The following CRISP1 variants were observed in gnomAD, a reference collection of about 807,000 sequenced individuals.
CRISP1 encodes cysteine rich secretory protein 1, also known as cysteine-rich secretory protein 1.
Under a neutral mutation model 33.1 loss-of-function variants are expected in CRISP1, and 44 were observed. The ratio of observed to expected loss-of-function variants is 1.33; its 90% CI spans 1.05 to 1.71. CRISP1 has a LOEUF of 1.71. Among genes scored for constraint, CRISP1 ranks in the 40% most tolerant of loss-of-function variants. The pLI is 0.00. For synonymous variants in CRISP1, 103 were observed against 98.7 expected, an observed-to-expected ratio of 1.04 and a Z score of -0.26; for missense variants, 390 against 301.2, an observed-to-expected ratio of 1.29 and a Z score of -2.18.
At chr6:49,873,332 T>A (rs1771968187) in intron 1 of CRISP1, among the ~76,000 whole-genome samples, 1 of 152,048 alleles carries the variant, frequency 6.6e-6, no homozygotes, top group Admixed American at 6.6e-5. Flanking sequence ...AAATTGCAGA[T>A]CTCAGGAAAT....
intron 1 of CRISP1, among the ~76,000 whole-genome samples, chr6:49,876,125 AT>A (rs951780589): frequency 6.6e-6 from 1 of 152,106 alleles, no homozygotes; most frequent in African/African-American, 2.4e-5. Flanking sequence ...ATGGGAGAAA[AT>A]TTTTTCGGTC....
intron 3 of CRISP1, 92 bp downstream of exon 3, chr6:49,851,909 T>C: frequency 4.2e-6 from 6 of 1,429,330 alleles, no homozygotes; most frequent in Non-Finnish European, 5.6e-6. Flanking sequence ...GATAAAACTT[T>C]TAGCACTTTG....
chr6:49,874,966 A>G (rs879833733), intron 1 of CRISP1, among the ~76,000 whole-genome samples: 9 of 152,110 alleles, frequency 5.9e-5, no homozygotes, highest in Non-Finnish European at 1.0e-4. Context: ...ACAAATGGGC[A>G]AAAGCTGGAA....
chr6:49,850,419 T>G (rs1771313193), intron 3 of CRISP1, among the ~76,000 whole-genome samples: 1 of 152,122 alleles, frequency 6.6e-6, no homozygotes, highest in Admixed American at 6.6e-5. Flanking sequence ...AAGTTTGTAT[T>G]TATGATCGTA....
intron 6 of CRISP1, among the ~76,000 whole-genome samples, chr6:49,840,328 A>T (rs1290870925): frequency 6.6e-6 from 1 of 152,200 alleles, no homozygotes; most frequent in African/African-American, 2.4e-5. Context: ...ATTTTCTAGG[A>T]ATTGTGACTA....
chr6:49,871,797 C>A (rs1355818934), intron 1 of CRISP1, among the ~76,000 whole-genome samples: 1 of 151,968 alleles, frequency 6.6e-6, no homozygotes, highest in East Asian at 1.9e-4. Flanking sequence ...TCTGGTCTAT[C>A]GTTGTTGGAC....
intron 7 of CRISP1, among the ~76,000 whole-genome samples, chr6:49,835,946 C>T (rs949298820): frequency 2.0e-5 from 3 of 152,260 alleles, no homozygotes; most frequent in Middle Eastern, 6.8e-3. Context: ...AGTGATTTTT[C>T]TCACCTTGCT....
At chr6:49,844,031 A>T (rs1771077804) in intron 5 of CRISP1, among the ~76,000 whole-genome samples, 1 of 152,210 alleles carries the variant, frequency 6.6e-6, no homozygotes, top group South Asian at 2.1e-4. Flanking sequence ...CTCATCACTT[A>T]TAGTAACCTA....
chr6:49,838,295 G>T (rs1770868179), intron 7 of CRISP1, 142 bp downstream of exon 7: 1 of 641,628 alleles, frequency 1.6e-6, no homozygotes, highest in East Asian at 2.7e-5. Context: ...GGCAATTGGG[G>T]AGGGGTAAGC....
chr6:49,863,158 G>T (rs894232140), intron 1 of CRISP1, among the ~76,000 whole-genome samples: 1 of 152,164 alleles, frequency 6.6e-6, no homozygotes, highest in Non-Finnish European at 1.5e-5. Flanking sequence ...GATTAGAATT[G>T]TAGAGCATGG....
At chr6:49,838,577 A>G in intron 6 of CRISP1, 52 bp from the exon 7 acceptor site, 3 of 1,388,164 alleles carry the variant, frequency 2.2e-6, no homozygotes, top group Non-Finnish European at 3.0e-6. Flanking sequence ...AAACTCACAT[A>G]AAACTTTACT....
intron 5 of CRISP1, among the ~76,000 whole-genome samples, chr6:49,844,057 C>A (rs1461755296): frequency 2.0e-5 from 3 of 152,016 alleles, no homozygotes; most frequent in Non-Finnish European, 4.4e-5. Context: ...GGAGAGCAAG[C>A]AATTGAAGAA....
intron 1 of CRISP1, among the ~76,000 whole-genome samples, chr6:49,871,654 G>T (rs968106513): frequency 6.7e-5 from 10 of 149,112 alleles, no homozygotes; most frequent in East Asian, 2.0e-4. Context: ...GTGGTGTTTG[G>T]TTTTTTGTCC....
intron 1 of CRISP1, among the ~76,000 whole-genome samples, chr6:49,860,994 G>A (rs1296370280): frequency 6.6e-6 from 1 of 151,966 alleles, no homozygotes; most frequent in Non-Finnish European, 1.5e-5. Flanking sequence ...GAAAATTTTA[G>A]AGAAAATGAA....
At chr6:49,875,648 A>T (rs1477720133) in intron 1 of CRISP1, among the ~76,000 whole-genome samples, 1 of 152,140 alleles carries the variant, frequency 6.6e-6, no homozygotes, top group Non-Finnish European at 1.5e-5. Context: ...ACTTCAAACT[A>T]TACTACAAGG....
intron 1 of CRISP1, among the ~76,000 whole-genome samples, chr6:49,865,043 G>A (rs1465203936): frequency 1.3e-5 from 2 of 152,014 alleles, no homozygotes; most frequent in Admixed American, 6.6e-5. Flanking sequence ...ATTTAACATT[G>A]AAAAAATATT....
chr6:49,840,964 C>T lies in CRISP1; in HGVS notation c.467G>A (p.Cys156Tyr). 6.2e-7 allele frequency: 1 copy of T among 1,613,894 alleles called. No homozygotes were observed. Among genetic ancestry groups the T allele is most frequent in the Non-Finnish European group, 8.5e-7 (1 of 1,179,864 alleles). ...IVWATSYLIG[C>Y]AIASCRQQGS... ...TTGTTGGCGGCAAGATGCAATGGCA[C>T]AGCCAATCAGGTAAGATGTGGCCCA... Residue 156 changes from cysteine (C) to tyrosine (Y), a missense_variant, in exon 6 of 8, where the codon TGT (cysteine) becomes TAT (tyrosine). Coordinates refer to ENST00000335847, the MANE Select transcript of CRISP1 (RefSeq NM_001131.3).
rs573735958 is a variant in CRISP1 at position 49,871,869 on chromosome 6, C to T, written c.-3+5140G>A. On this transcript the variant is annotated intron_variant, in intron 1 of 7. Coordinates refer to the CRISP1 transcript ENST00000505118. ...GTGCCACAATAAACATATGTGTGCA[C>T]GTGTCTTTATAGCAGCATGATTTAT... 7.6e-4 allele frequency among the ~76,000 whole-genome samples: 116 copies of T among 151,952 alleles called. No homozygotes were observed. In the South Asian group the frequency reaches 0.013, roughly 17 times the overall value.
intron 1 of CRISP1, among the ~76,000 whole-genome samples, chr6:49,865,145 A>G (rs1017919306): frequency 6.6e-6 from 1 of 152,190 alleles, no homozygotes; most frequent in South Asian, 2.1e-4. Context: ...ACACAAATAC[A>G]GATAAATGGA....
Sources: allele counts gnomAD v4.1 joint callset (sites outside exome capture counted in the v4.1 genomes callset), GRCh38; gene constraint gnomAD v4.1.1; transcripts MANE v1.5; gene names NCBI Gene and HGNC (gene_info 2026-07-23, HGNC 2026-07-21).